Variants in CACNB2 observed in about 807,000 individuals in gnomAD.
The protein encoded by CACNB2 is calcium voltage-gated channel auxiliary subunit beta 2.
Under a neutral mutation model 73.3 loss-of-function variants are expected in CACNB2, and 42 were observed. The observed-to-expected ratio is 0.57, with a 90% CI of 0.45 to 0.74. The LOEUF (loss-of-function observed/expected upper bound fraction) is 0.74. CACNB2 is among the 30% of genes least tolerant of loss of function. The pLI, the probability that CACNB2 is intolerant of heterozygous loss-of-function variation, is 0.00. For missense variants in CACNB2, 940 were observed against 853.0 expected (o/e 1.10, Z -1.27); for synonymous variants, 348 against 310.3 (o/e 1.12, Z -1.28).
chr10:18,424,003 AATAATAT>A (rs1381811633), intron 3 of CACNB2, among the ~76,000 whole-genome samples: 3 of 152,200 alleles, frequency 2.0e-5, no homozygotes, highest in African/African-American at 4.8e-5. Flanking sequence ...TGAAAAATTA[AATAATAT>A]ATAAGAGTAT....
At chr10:18,490,212 C>T (rs1381167911) in intron 3 of CACNB2, among the ~76,000 whole-genome samples, 1 of 152,130 alleles carries the variant, frequency 6.6e-6, no homozygotes, top group Non-Finnish European at 1.5e-5. Flanking sequence ...TAAAGAGATG[C>T]CACTCTTCTA....
intron 3 of CACNB2, among the ~76,000 whole-genome samples, chr10:18,439,951 G>A (rs2046331093): frequency 1.3e-5 from 2 of 152,198 alleles, no homozygotes; most frequent in Admixed American, 1.3e-4. Flanking sequence ...GTAGCAGTAA[G>A]TGCTAAAAAA....
intron 2 of CACNB2, among the ~76,000 whole-genome samples, chr10:18,240,197 T>A (rs572063803): frequency 4.1e-4 from 63 of 152,302 alleles, no homozygotes; most frequent in African/African-American, 1.3e-3. Flanking sequence ...AAAAACACAT[T>A]CTCCTTGACA....
At chr10:18,497,931 T>A (rs953500730) in intron 3 of CACNB2, among the ~76,000 whole-genome samples, 4 of 152,246 alleles carry the variant, frequency 2.6e-5, no homozygotes, top group African/African-American at 9.6e-5. Context: ...TTCGGAATTA[T>A]GTCTTTAATG....
intron 3 of CACNB2, among the ~76,000 whole-genome samples, chr10:18,437,703 A>G (rs2046207091): frequency 6.6e-6 from 1 of 152,160 alleles, no homozygotes; most frequent in Non-Finnish European, 1.5e-5. Context: ...ACAGTATCTG[A>G]CTATCTTTGA....
chr10:18,384,001 C>A (rs1399255585), intron 2 of CACNB2, among the ~76,000 whole-genome samples: 3 of 152,178 alleles, frequency 2.0e-5, no homozygotes, highest in African/African-American at 7.2e-5. Context: ...CCACCACGCC[C>A]AGCCATAGAA....
intron 3 of CACNB2, among the ~76,000 whole-genome samples, chr10:18,442,597 A>G (rs1350192193): frequency 6.6e-6 from 1 of 151,454 alleles, no homozygotes. Context: ...GAGGCCAAGG[A>G]GGGCAGATCA....
chr10:18,376,730 G>C (rs2042813109), intron 2 of CACNB2, among the ~76,000 whole-genome samples: 1 of 152,138 alleles, frequency 6.6e-6, no homozygotes, highest in Non-Finnish European at 1.5e-5. Context: ...CATCTTTCCA[G>C]CTCGGAGGAG....
At chr10:18,157,248 A>G (rs1324322411) in intron 2 of CACNB2, among the ~76,000 whole-genome samples, 4 of 152,224 alleles carry the variant, frequency 2.6e-5, no homozygotes, top group African/African-American at 9.6e-5. Context: ...GTTTTCTTCA[A>G]GAAGCTGGTT....
intron 4 of CACNB2, among the ~76,000 whole-genome samples, chr10:18,500,208 G>T (rs557506044): frequency 2.2e-4 from 34 of 152,150 alleles, no homozygotes; most frequent in Non-Finnish European, 1.6e-4. Context: ...CTTCTTCGAC[G>T]TGTTCAAGGA....
intron 2 of CACNB2, among the ~76,000 whole-genome samples, chr10:18,200,281 T>C (rs974492333): frequency 1.3e-5 from 2 of 151,912 alleles, no homozygotes; most frequent in African/African-American, 4.8e-5. Context: ...AGTTTTTTTG[T>C]GTTGAAGATC....
intron 2 of CACNB2, among the ~76,000 whole-genome samples, chr10:18,180,987 C>CAA (rs1197120360): frequency 3.0e-5 from 4 of 131,808 alleles, no homozygotes; most frequent in Non-Finnish European, 4.8e-5. Flanking sequence ...CAAAACAAAA[C>CAA]AAAAAAAGAA....
intron 2 of CACNB2, among the ~76,000 whole-genome samples, chr10:18,210,919 T>C (rs2035291684): frequency 6.6e-6 from 1 of 152,228 alleles, no homozygotes; most frequent in East Asian, 1.9e-4. Flanking sequence ...TTACCATTTC[T>C]TATCTGCATG....
intron 3 of CACNB2, among the ~76,000 whole-genome samples, chr10:18,493,683 C>A (rs1195048327): frequency 6.6e-6 from 1 of 152,100 alleles, no homozygotes; most frequent in East Asian, 1.9e-4. Flanking sequence ...TTTGCCCAGG[C>A]CACTCACCTA....
chr10:18,182,350 G>A (rs964190803), intron 2 of CACNB2, among the ~76,000 whole-genome samples: 11 of 151,644 alleles, frequency 7.3e-5, no homozygotes, highest in African/African-American at 2.7e-4. Context: ...TTTGAAATAA[G>A]GTAGAAGGGG....
chr10:18,349,419 T>G (rs997384921), intron 2 of CACNB2, among the ~76,000 whole-genome samples: 1 of 152,260 alleles, frequency 6.6e-6, no homozygotes, highest in African/African-American at 2.4e-5. Flanking sequence ...CAATTGTTGA[T>G]GCAGTATCTG....
intron 3 of CACNB2, among the ~76,000 whole-genome samples, chr10:18,411,873 A>G (rs915988814): frequency 4.6e-5 from 7 of 152,236 alleles, no homozygotes; most frequent in Admixed American, 2.0e-4. Context: ...ACTGATGACT[A>G]CACTATCAGC....
chr10:18,219,397 C>G (rs188229210), intron 2 of CACNB2, among the ~76,000 whole-genome samples: 6 of 152,264 alleles, frequency 3.9e-5, no homozygotes, highest in Admixed American at 3.9e-4. Flanking sequence ...GTGCTGCTGG[C>G]AAAGACATTT....
intron 2 of CACNB2, among the ~76,000 whole-genome samples, chr10:18,195,711 G>A (rs1011955860): frequency 5.3e-5 from 8 of 152,174 alleles, no homozygotes; most frequent in African/African-American, 1.7e-4. Context: ...ACCTGCATTC[G>A]TTGATAAGTG....
Sources: gnomAD v4.1 joint callset for allele counts (sites outside exome capture counted in the v4.1 genomes callset) on GRCh38, gnomAD v4.1.1 for gene constraint, MANE v1.5 for transcripts, NCBI Gene and HGNC (gene_info 2026-07-23, HGNC 2026-07-21) for gene names.